Variants in CERS6 observed in about 807,000 individuals in gnomAD.
CERS6 encodes the protein ceramide synthase 6.
In CERS6, 26 loss-of-function variants were observed where a neutral mutation model predicts 56.8. The ratio of observed to expected loss-of-function variants is 0.46; its 90% CI spans 0.34 to 0.63. The LOEUF is 0.63. Among genes scored for constraint, CERS6 ranks in the 30% least tolerant of loss-of-function variants. The pLI, the probability that CERS6 is intolerant of heterozygous loss-of-function variation, is 0.01. For missense variants in CERS6, 415 were observed against 467.5 expected, an observed-to-expected ratio of 0.89 and a Z score of 1.04; for synonymous variants, 164 against 173.3, an observed-to-expected ratio of 0.95 and a Z score of 0.42.
intron 1 of CERS6, among the ~76,000 whole-genome samples, chr2:168,530,349 A>G (rs1213590056): frequency 6.6e-6 from 1 of 152,244 alleles, no homozygotes; most frequent in Non-Finnish European, 1.5e-5. Context: ...CCTTACTCAG[A>G]CATTACAGAT....
In CERS6 at chr2:168,534,468, T is replaced by C. The variant is rs561414895; in HGVS notation, c.171-13128T>C. 5.9e-5 allele frequency among the ~76,000 whole-genome samples: 9 copies of C among 151,740 alleles called. No homozygotes were observed. The South Asian group carries it at 1.9e-3, about 32-fold the overall frequency. ...TGCTTTCTGTTTGTTTTTCTTTCAA[T>C]GGTCAGGTCCATTTTCTGCAGGGCT... On this transcript the variant is annotated intron_variant, in intron 1 of 9. Coordinates refer to ENST00000305747, the MANE Select transcript of CERS6 (RefSeq NM_203463.3).
chr2:168,539,528 A>G (rs957799959), intron 1 of CERS6, among the ~76,000 whole-genome samples: 8 of 152,332 alleles, frequency 5.3e-5, no homozygotes, highest in African/African-American at 1.7e-4. Context: ...ATTCCACTAA[A>G]TATTTGTTTT....
At chr2:168,643,443 C>G (rs1256880341) in intron 4 of CERS6, among the ~76,000 whole-genome samples, 3 of 151,942 alleles carry the variant, frequency 2.0e-5, no homozygotes, top group Non-Finnish European at 4.4e-5. Flanking sequence ...ATGGACTCCT[C>G]TAGTTGATTT....
rs72877813 is a variant in CERS6, at chr2:168,584,024, G to A, written c.407+22702G>A. 5.1e-3 allele frequency among the ~76,000 whole-genome samples: 777 copies of A among 152,236 alleles called. 3 individuals are homozygous for A. The highest frequency in any genetic ancestry group is 8.4e-3 in the Non-Finnish European group (569 of 68,014). ...TTTAATCCTTCCAACACTCTCATTG[G>A]GTAGATGATTTTACCCTAATTTTCA... On this transcript the variant is annotated intron_variant, in intron 3 of 9. Coordinates refer to ENST00000305747, the MANE Select transcript of CERS6 (RefSeq NM_203463.3).
rs148421532 is a variant in CERS6, at chr2:168,481,462, A to G, written c.170+24844A>G. Among the ~76,000 whole-genome samples the G allele has an allele frequency of 6.6e-5, 10 of 152,294 alleles. No homozygotes were observed. The East Asian group carries it at 1.9e-3, about 29-fold the overall frequency. Reference sequence around the variant, plus strand: ...TCATCAGCCGCAAGCTGACTTTGCAACTGAGCAACTTTTTTTTGCCTGTGC... The same window carrying G: ...TCATCAGCCGCAAGCTGACTTTGCAGCTGAGCAACTTTTTTTTGCCTGTGC... On this transcript the variant is annotated intron_variant, in intron 1 of 9. Coordinates refer to ENST00000305747, the MANE Select transcript of CERS6 (RefSeq NM_203463.3).
intron 8 of CERS6, among the ~76,000 whole-genome samples, chr2:168,741,457 C>T (rs1337463469): frequency 1.2e-4 from 18 of 151,578 alleles, no homozygotes; most frequent in Non-Finnish European, 2.2e-4. Context: ...TTCCCTGGGC[C>T]GCTTTGAAAG....
rs1272858404 is a variant in CERS6, at chr2:168,771,922, A to G, written c.*2260A>G. ...ACTGGGAACACTTGGGGTCTCTCTA[A>G]CTGATGGCATTCACTTCACACAGTC... On this transcript the variant is annotated 3_prime_UTR_variant, in exon 10 of 10. Coordinates refer to ENST00000305747, the MANE Select transcript of CERS6 (RefSeq NM_203463.3). 1 of 152,206 alleles carries G rather than the reference A, an allele frequency of 6.6e-6. No homozygotes were observed. The highest frequency in any genetic ancestry group is 1.5e-5 in the Non-Finnish European group (1 of 68,018). 9.4% of individuals were successfully genotyped at this position (152,206 alleles called of 1,614,324 possible).
At chr2:168,648,727 T>C (rs1479386784) in intron 4 of CERS6, among the ~76,000 whole-genome samples, 1 of 152,238 alleles carries the variant, frequency 6.6e-6, no homozygotes, top group Admixed American at 6.5e-5. Flanking sequence ...GTTTTATCTT[T>C]GTTCTCATTC....
chr2:168,615,313 A>G (rs755519950), intron 3 of CERS6, among the ~76,000 whole-genome samples: 2 of 152,166 alleles, frequency 1.3e-5, no homozygotes, highest in African/African-American at 2.4e-5. Flanking sequence ...AAGTTTCTTT[A>G]ACACCCCCGA....
intron 2 of CERS6, among the ~76,000 whole-genome samples, chr2:168,557,654 A>G (rs1160580400): frequency 6.6e-6 from 1 of 152,214 alleles, no homozygotes; most frequent in African/African-American, 2.4e-5. Context: ...AAAGATTTGA[A>G]TATAAAAATC....
chr2:168,739,049 CT>C lies in CERS6; in HGVS notation c.845+21072del, dbSNP rs202091929. On this transcript the variant is annotated intron_variant, in intron 8 of 9. Transcript: ENST00000305747. Reference sequence around the variant, plus strand: ...TACAGGCACATGCTGCCACACCCGGCTAATTTTTTTTTTTTTTTTTTTTTTT... The same window carrying C: ...TACAGGCACATGCTGCCACACCCGGCAATTTTTTTTTTTTTTTTTTTTTTT... Among the ~76,000 whole-genome samples, 414 of 127,436 alleles carry C rather than the reference CT, an allele frequency of 3.2e-3. 4 individuals are homozygous for C. The highest frequency in any genetic ancestry group is 0.012 in the African/African-American group (382 of 31,930). The allele number at this position is 127,436 out of a possible 152,430, so 83.6% of individuals were successfully genotyped here.
intron 8 of CERS6, among the ~76,000 whole-genome samples, chr2:168,725,684 C>G (rs964980735): frequency 1.1e-4 from 17 of 152,174 alleles, no homozygotes; most frequent in Non-Finnish European, 2.2e-4. Context: ...AGTCAGTATT[C>G]AAAAGCTTCA....
At position 168,460,981 on chromosome 2, in the gene CERS6, C is replaced by CGA. The variant is rs145858084; in HGVS notation, c.170+4377_170+4378dup. 2.4e-3 allele frequency among the ~76,000 whole-genome samples: 360 copies of CGA among 150,374 alleles called. 2 individuals carry two copies. The highest frequency in any genetic ancestry group is 7.6e-3 in the African/African-American group (313 of 41,022). ...AGGCCTTCTAGGATAGTTGAGAGAG[C>CGA]GAGAGAGAGAGAGAGTGTGAGAGCG... On this transcript the variant is annotated intron_variant, in intron 1 of 9. Transcript: ENST00000305747.
At chr2:168,622,967 T>G (rs979581418) in intron 3 of CERS6, among the ~76,000 whole-genome samples, 4 of 152,244 alleles carry the variant, frequency 2.6e-5, no homozygotes, top group Non-Finnish European at 5.9e-5. Context: ...ATCTGTCATC[T>G]CACCTTTATT....
At chr2:168,551,262 T>C (rs2105374813) in intron 2 of CERS6, among the ~76,000 whole-genome samples, 1 of 152,304 alleles carries the variant, frequency 6.6e-6, no homozygotes, top group Admixed American at 6.5e-5. Context: ...TCTTTCCTTT[T>C]GAAGTAACAC....
intron 3 of CERS6, among the ~76,000 whole-genome samples, chr2:168,578,509 AT>A (rs1683332206): frequency 6.6e-6 from 1 of 152,176 alleles, no homozygotes; most frequent in Non-Finnish European, 1.5e-5. Context: ...GTTTTAGATG[AT>A]TTGATGCATT....
At chr2:168,610,228 C>T (rs375423564) in intron 3 of CERS6, among the ~76,000 whole-genome samples, 24 of 152,180 alleles carry the variant, frequency 1.6e-4, no homozygotes, top group African/African-American at 4.3e-4. Context: ...CCACCCACCT[C>T]GGCCTCCCAA....
At chr2:168,560,564 C>G (rs762647525) in intron 2 of CERS6, among the ~76,000 whole-genome samples, 87 of 151,852 alleles carry the variant, frequency 5.7e-4, no homozygotes, top group Non-Finnish European at 8.8e-4. Flanking sequence ...GTAAAAGACT[C>G]GATGTGGGAT....
At chr2:168,709,877 G>A (rs1687045257) in intron 6 of CERS6, among the ~76,000 whole-genome samples, 1 of 152,182 alleles carries the variant, frequency 6.6e-6, no homozygotes. Flanking sequence ...AAAGAAATGT[G>A]TTGGGTAAGG....
Sources: gnomAD v4.1 joint callset for allele counts (sites outside exome capture counted in the v4.1 genomes callset) on GRCh38, gnomAD v4.1.1 for gene constraint, MANE v1.5 for transcripts, NCBI Gene and HGNC (gene_info 2026-07-23, HGNC 2026-07-21) for gene names.